The following CASZ1 variants were observed in gnomAD, a reference collection of about 807,000 sequenced individuals.
The protein encoded by CASZ1 is zinc finger protein castor homolog 1.
CASZ1 carries 28 observed loss-of-function variants against 135.2 expected under a neutral mutation model. The ratio of observed to expected loss-of-function variants is 0.21; its 90% CI spans 0.15 to 0.28. The LOEUF is 0.28. Among genes scored for constraint, CASZ1 ranks in the 10% least tolerant of loss-of-function variants. The pLI, the probability that CASZ1 is intolerant of heterozygous loss-of-function variation, is 1.00. For synonymous variants in CASZ1, 1,068 were observed against 1,073.4 expected (o/e 0.99, Z 0.10); for missense variants, 2,161 against 2,453.3 (o/e 0.88, Z 2.52).
chr1:10,644,908 C>T lies in CASZ1; in HGVS notation c.3868+9G>A. 3.7e-6 allele frequency: 6 copies of T among 1,610,224 alleles called. No individual in the cohort carries two copies. The highest frequency in any genetic ancestry group is 5.1e-6 in the Non-Finnish European group (6 of 1,177,864). On this transcript the variant is annotated intron_variant, in intron 18 of 20. Transcript: ENST00000377022. The stretch of plus-strand genomic sequence containing the variant: ...GCAAGTCCCTGCCCGCAGCCCCAGC[C>T]CTCGGTACCTAGCCTGCCACACTCC...
Position 10,646,427 on chromosome 1 carries a change from C to T in CASZ1, c.3498-101G>A, listed in dbSNP as rs956026988. ...TTGGAGTTCACTCCCCCACGACCAG[C>T]GGTACCACCAAGAGGGATGGCCTGG... On this transcript the variant is annotated intron_variant, in intron 16 of 20. Coordinates refer to ENST00000377022, the MANE Select transcript of CASZ1 (RefSeq NM_001079843.3). The surrounding 1 kb of genome is among the most constrained non-coding windows in gnomAD (Gnocchi z 6.4). 2.3e-5 allele frequency: 25 copies of T among 1,102,694 alleles called. No individual in the cohort carries two copies. In the East Asian group the frequency reaches 3.8e-4, roughly 17 times the overall value. 68.3% of individuals were successfully genotyped at this position (1,102,694 alleles called of 1,614,324 possible).
chr1:10,749,242 CT>C, intron 2 of CASZ1, among the ~76,000 whole-genome samples: 1 of 152,022 alleles, frequency 6.6e-6, no homozygotes, highest in Non-Finnish European at 1.5e-5. Context: ...CTCCCTCCAT[CT>C]TTCCCCCCTA....
rs1164275536 is a variant in CASZ1 at position 10,657,084 on chromosome 1, G to C, written c.1410-348C>G. On this transcript the variant is annotated intron_variant, in intron 7 of 20. Transcript: ENST00000377022. The surrounding 1 kb of genome is among the most constrained non-coding windows in gnomAD (Gnocchi z 5.7). ...ACCTGCCCCACTCCCAGCCCGCCCAGTTCTGGCCAGGTGCAGAGACCCTGG... is the reference window on the plus strand; with the variant it reads ...ACCTGCCCCACTCCCAGCCCGCCCACTTCTGGCCAGGTGCAGAGACCCTGG... Among the ~76,000 whole-genome samples, 1 of 152,212 alleles carries C rather than the reference G, an allele frequency of 6.6e-6. No homozygotes were observed. Among genetic ancestry groups the C allele is most frequent in the African/African-American group, 2.4e-5 (1 of 41,458 alleles).
chr1:10,791,319 A>G (rs767764710), intron 1 of CASZ1, among the ~76,000 whole-genome samples: 2 of 152,270 alleles, frequency 1.3e-5, no homozygotes, highest in Non-Finnish European at 2.9e-5. Context: ...AAGCAAAAAG[A>G]AAAACTTAGT....
chr1:10,698,840 A>T (rs919478165), intron 3 of CASZ1, among the ~76,000 whole-genome samples: 4 of 152,210 alleles, frequency 2.6e-5, no homozygotes, highest in African/African-American at 9.6e-5. Flanking sequence ...GGAAGCCTCT[A>T]ACTCCCAGTG....
In CASZ1 at chr1:10,711,432, G is replaced by A. The variant is rs894683106; in HGVS notation, c.-76-5888C>T. ...CATTCCTGTGCTGTTGAGGACTCGC[G>A]GAAATAATGGTTAGCACAGTAGGTG... On this transcript the variant is annotated intron_variant, in intron 2 of 20. Transcript: ENST00000377022. This position sits in a 1 kb window ranked among gnomAD's most constrained non-coding sequence, Gnocchi z 4.4. Among the ~76,000 whole-genome samples, 3 of 152,106 alleles carry A rather than the reference G, an allele frequency of 2.0e-5. No individual in the cohort carries two copies. Among genetic ancestry groups the A allele is most frequent in the Admixed American group, 6.6e-5 (1 of 15,264 alleles).
chr1:10,743,879 G>A (rs1294488501), intron 2 of CASZ1, among the ~76,000 whole-genome samples: 1 of 144,726 alleles, frequency 6.9e-6, no homozygotes, highest in African/African-American at 2.5e-5. Context: ...AGAGAGAGAG[G>A]AGCGGGGAGC....
rs146346101 is a variant in CASZ1 at position 10,676,409 on chromosome 1, G to A, written c.17-10838C>T. Among the ~76,000 whole-genome samples, 178 of 152,258 alleles carry A rather than the reference G, an allele frequency of 1.2e-3. 1 individual carries two copies. The highest frequency in any genetic ancestry group is 3.4e-3 in the African/African-American group (140 of 41,558). On this transcript the variant is annotated intron_variant, in intron 4 of 20. Coordinates refer to ENST00000377022, the MANE Select transcript of CASZ1 (RefSeq NM_001079843.3). The surrounding 1 kb of genome is among the most constrained non-coding windows in gnomAD (Gnocchi z 4.5). The stretch of plus-strand genomic sequence containing the variant: ...CAAAGCTCTCACTCCATCACACAGC[G>A]TTAGCCCCAAAAGGTGACCTTTCAA...
chr1:10,784,689 G>A (rs1162630433), intron 1 of CASZ1, among the ~76,000 whole-genome samples: 1 of 152,058 alleles, frequency 6.6e-6, no homozygotes, highest in Non-Finnish European at 1.5e-5. Flanking sequence ...TCAGCCTCCT[G>A]AGTAGCTGGG....
Position 10,665,202 on chromosome 1 carries a change from C to A in CASZ1, c.386G>T (p.Cys129Phe). ...EGVYMVQPQGCSDEEDHAEEP... is the reference protein window; with the variant it reads ...EGVYMVQPQGFSDEEDHAEEP... ...CTCCGCGTGGTCTTCCTCATCGCTGCACCCCTGGGGCTGCACCATGTAGAC... is the reference window on the plus strand; with the variant it reads ...CTCCGCGTGGTCTTCCTCATCGCTGAACCCCTGGGGCTGCACCATGTAGAC... The change falls in exon 5 of 21, where the codon TGC (cysteine) becomes TTC (phenylalanine). Residue 129 changes from cysteine (C) to phenylalanine (F), a missense_variant. Physicochemically the swap from Cys to Phe is radical, Grantham distance 205. Coordinates refer to ENST00000377022, the MANE Select transcript of CASZ1 (RefSeq NM_001079843.3). 6.3e-7 allele frequency: 1 copy of A among 1,579,986 alleles called. No individual in the cohort carries two copies. The highest frequency in any genetic ancestry group is 8.6e-7 in the Non-Finnish European group (1 of 1,160,072).
At position 10,694,800 on chromosome 1, in the gene CASZ1, G is replaced by T. The variant is rs1462237471; in HGVS notation, c.-23-888C>A. Among the ~76,000 whole-genome samples, 1 of 144,954 alleles carries T rather than the reference G, an allele frequency of 6.9e-6. No individual in the cohort carries two copies. The highest frequency in any genetic ancestry group is 2.5e-5 in the African/African-American group (1 of 40,502). On this transcript the variant is annotated intron_variant, in intron 3 of 20. Transcript: ENST00000377022. This position sits in a 1 kb window ranked among gnomAD's most constrained non-coding sequence, Gnocchi z 6.6. ...CCGGGAGGAGGAGGCGGGGACTTGCGCTCAGGGCTGGCGGGAGGGGACCCG... is the reference window on the plus strand; with the variant it reads ...CCGGGAGGAGGAGGCGGGGACTTGCTCTCAGGGCTGGCGGGAGGGGACCCG...
rs1472854895 is a variant in CASZ1, at chr1:10,726,709, C to T, written c.-76-21165G>A. Among the ~76,000 whole-genome samples, 2 of 152,186 alleles carry T rather than the reference C, an allele frequency of 1.3e-5. No individual in the cohort carries two copies. On this transcript the variant is annotated intron_variant, in intron 2 of 20. Coordinates refer to ENST00000377022, the MANE Select transcript of CASZ1 (RefSeq NM_001079843.3). The surrounding 1 kb of genome is among the most constrained non-coding windows in gnomAD (Gnocchi z 5.7). ...TTTCCTGCAGGAGCTGCCCAGGGCA[C>T]CCAGGAAAGGAGACATGAAGATGAG...
chr1:10,783,871 C>CAAAAA (rs34487572), intron 1 of CASZ1, among the ~76,000 whole-genome samples: 26 of 78,886 alleles, frequency 3.3e-4, no homozygotes, highest in Middle Eastern at 9.4e-3. Context: ...GACTCCGTCT[C>CAAAAA]AAAAAAAAAA....
intron 20 of CASZ1, 52 bp from the exon 21 acceptor site, chr1:10,640,111 T>A: frequency 3.2e-6 from 5 of 1,556,884 alleles, no homozygotes; most frequent in Non-Finnish European, 4.3e-6. Context: ...GTGGGCACCA[T>A]CAACAGGGTT....
intron 4 of CASZ1, among the ~76,000 whole-genome samples, chr1:10,686,923 G>T (rs865791595): frequency 1.3e-5 from 2 of 152,186 alleles, no homozygotes; most frequent in Admixed American, 6.5e-5. Flanking sequence ...GTGGAGAGCC[G>T]GGTCATCCTT....
At chr1:10,784,650 G>A (rs116565635) in intron 1 of CASZ1, among the ~76,000 whole-genome samples, 1,809 of 152,186 alleles carry the variant, frequency 0.012, 34 homozygotes, top group African/African-American at 0.042. Flanking sequence ...TGCAACCTCC[G>A]CCATCTGGGT....
Position 10,693,856 on chromosome 1 carries a change from G to A in CASZ1, c.16+18C>T, listed in dbSNP as rs746718056. 2.5e-6 allele frequency: 4 copies of A among 1,611,402 alleles called. No homozygotes were observed. Among genetic ancestry groups the A allele is most frequent in the South Asian group, 1.1e-5 (1 of 91,052 alleles). On this transcript the variant is annotated intron_variant, in intron 4 of 20. Transcript: ENST00000377022. The stretch of plus-strand genomic sequence containing the variant: ...AGAAAAGTGAAAGAGCCGCCCCTGC[G>A]TTCCCACCGGCCGGTACCTGTTCCA...
In CASZ1 at chr1:10,767,249, C is replaced by T. The variant is rs1640493377; in HGVS notation, c.-233-6392G>A. On this transcript the variant is annotated intron_variant, in intron 1 of 20. Transcript: ENST00000377022. This position sits in a 1 kb window ranked among gnomAD's most constrained non-coding sequence, Gnocchi z 4.2. ...CCCCAGTCCTGGCCCAGGAGATCAG[C>T]GATGTCCTCTGACCCTTCCCTCTAC... Among the ~76,000 whole-genome samples, 1 of 152,230 alleles carries T rather than the reference C, an allele frequency of 6.6e-6. No individual in the cohort carries two copies. Among genetic ancestry groups the T allele is most frequent in the Non-Finnish European group, 1.5e-5 (1 of 68,042 alleles).
chr1:10,678,861 AT>A (rs1638325361), intron 4 of CASZ1, among the ~76,000 whole-genome samples: 1 of 151,890 alleles, frequency 6.6e-6, no homozygotes, highest in East Asian at 1.9e-4. Flanking sequence ...ATTACTTTCA[AT>A]CAAAATCCTC....
Sources: gnomAD v4.1 joint callset for allele counts (sites outside exome capture counted in the v4.1 genomes callset) on GRCh38, gnomAD v4.1.1 for gene constraint, Gnocchi (gnomAD v3.1) non-coding constraint, MANE v1.5 for transcripts, NCBI Gene and HGNC (gene_info 2026-07-23, HGNC 2026-07-21) for gene names.